ADAMTSL1: variants seen among roughly 807,000 people sequenced by gnomAD.
The protein encoded by ADAMTSL1 is ADAMTS like 1.
ADAMTSL1 carries 126 observed loss-of-function variants against 201.8 expected under a neutral mutation model. The ratio of observed to expected loss-of-function variants is 0.62; its 90% CI spans 0.54 to 0.72. The LOEUF is 0.72. Among genes scored for constraint, ADAMTSL1 ranks in the 30% least tolerant of loss-of-function variants. The pLI, the probability that ADAMTSL1 is intolerant of heterozygous loss-of-function variation, is 0.00. For synonymous variants in ADAMTSL1, 1,121 were observed against 903.4 expected (o/e 1.24, Z -4.32); for missense variants, 2,679 against 2,277.8 (o/e 1.18, Z -3.59).
intron 2 of ADAMTSL1, among the ~76,000 whole-genome samples, chr9:18,171,443 A>G (rs182075972): frequency 2.0e-4 from 31 of 152,246 alleles, no homozygotes; most frequent in African/African-American, 7.5e-4. Flanking sequence ...TTTTAATGGC[A>G]TAGAAATTTA....
intron 2 of ADAMTSL1, among the ~76,000 whole-genome samples, chr9:18,217,415 CT>C (rs1394578647): frequency 6.6e-6 from 1 of 152,102 alleles, no homozygotes; most frequent in South Asian, 2.1e-4. Flanking sequence ...AGCATTACCC[CT>C]CCCCAGCTTT....
chr9:18,387,958 C>T (rs1446535185), intron 2 of ADAMTSL1, among the ~76,000 whole-genome samples: 1 of 128,844 alleles, frequency 7.8e-6, no homozygotes, highest in Admixed American at 7.4e-5. Flanking sequence ...TTGTTAGGTA[C>T]ATAAACATTC....
intron 23 of ADAMTSL1, among the ~76,000 whole-genome samples, chr9:18,853,307 T>C (rs1233238608): frequency 5.9e-5 from 9 of 152,234 alleles, no homozygotes; most frequent in Admixed American, 5.9e-4. Context: ...CTGAATGGGA[T>C]ACCAGCGTTT....
At chr9:18,906,664 C>T (rs764409369) in intron 27 of ADAMTSL1, 28 bp from the exon 28 acceptor site, 6 of 1,530,716 alleles carry the variant, frequency 3.9e-6, no homozygotes, top group Admixed American at 2.1e-5. Context: ...CAGAAGCAAA[C>T]CTTAACCCTG....
At chr9:18,565,241 T>C (rs886897120) in intron 3 of ADAMTSL1, among the ~76,000 whole-genome samples, 1 of 152,228 alleles carries the variant, frequency 6.6e-6, no homozygotes, top group Admixed American at 6.5e-5. Context: ...TAGTGTTCTC[T>C]TAGTAAACAC....
intron 13 of ADAMTSL1, among the ~76,000 whole-genome samples, chr9:18,701,516 G>A (rs746423016): frequency 3.3e-5 from 5 of 152,086 alleles, no homozygotes; most frequent in Admixed American, 6.6e-5. Flanking sequence ...CACTGTGCCC[G>A]ATTTTAAACT....
intron 1 of ADAMTSL1, among the ~76,000 whole-genome samples, chr9:18,099,103 T>G (rs559483818): frequency 3.4e-5 from 3 of 88,640 alleles, no homozygotes; most frequent in Admixed American, 2.3e-4. Context: ...TGACAGCAGG[T>G]TTTTTTTTTT....
chr9:18,828,019 G>A (rs185929996), intron 22 of ADAMTSL1, among the ~76,000 whole-genome samples: 2 of 152,310 alleles, frequency 1.3e-5, no homozygotes, highest in Admixed American at 1.3e-4. Flanking sequence ...ATGAAACTGA[G>A]ATTTCACCCC....
chr9:18,110,376 A>C (rs1203886937), intron 1 of ADAMTSL1, among the ~76,000 whole-genome samples: 2 of 152,188 alleles, frequency 1.3e-5, no homozygotes, highest in Non-Finnish European at 2.9e-5. Context: ...CAGGTAGGGA[A>C]AGTGCAAGAC....
intron 2 of ADAMTSL1, among the ~76,000 whole-genome samples, chr9:18,307,476 TTAAAA>T (rs1188974593): frequency 6.6e-6 from 1 of 151,872 alleles, no homozygotes; most frequent in East Asian, 1.9e-4. Context: ...ACACATAGTC[TTAAAA>T]TAAAAGGATG....
intron 3 of ADAMTSL1, among the ~76,000 whole-genome samples, chr9:18,561,896 A>G (rs1821526363): frequency 6.6e-6 from 1 of 151,790 alleles, no homozygotes; most frequent in South Asian, 2.1e-4. Flanking sequence ...CCATCTCTTT[A>G]TTTTGAGCCT....
intron 2 of ADAMTSL1, among the ~76,000 whole-genome samples, chr9:18,241,316 C>G (rs1831051518): frequency 6.6e-6 from 1 of 152,090 alleles, no homozygotes; most frequent in Non-Finnish European, 1.5e-5. Context: ...AATTATTCTT[C>G]CTCCCTTTCT....
intron 2 of ADAMTSL1, among the ~76,000 whole-genome samples, chr9:18,458,519 T>G (rs1170792904): frequency 1.3e-5 from 2 of 152,194 alleles, no homozygotes; most frequent in Non-Finnish European, 2.9e-5. Context: ...TGCCCTAACC[T>G]TCCATAGACT....
At chr9:18,540,546 G>C (rs756503503) in intron 3 of ADAMTSL1, among the ~76,000 whole-genome samples, 1 of 152,120 alleles carries the variant, frequency 6.6e-6, no homozygotes, top group Non-Finnish European at 1.5e-5. Context: ...ATCAGGTGCA[G>C]TACAAGGTAT....
At chr9:18,538,698 G>A (rs1461692310) in intron 3 of ADAMTSL1, among the ~76,000 whole-genome samples, 2 of 152,170 alleles carry the variant, frequency 1.3e-5, no homozygotes, top group Admixed American at 6.5e-5. Context: ...TCTCGTTGAG[G>A]TTGTGAAAAT....
At position 18,579,682 on chromosome 9, in the gene ADAMTSL1, C is replaced by G. The variant is rs1196495005; in HGVS notation, c.474+5416C>G. ...ACTTCCCAATGAATGAGCAGACCTT[C>G]TGTTAATTTCCTATTGCAGTCATCT... On this transcript the variant is annotated intron_variant, in intron 4 of 28. Transcript: ENST00000380548. Among the ~76,000 whole-genome samples the G allele has an allele frequency of 2.0e-5, 3 of 152,224 alleles. No homozygotes were observed. In the East Asian group the frequency reaches 5.8e-4, roughly 29 times the overall value.
At chr9:18,293,849 A>G (rs538933085) in intron 2 of ADAMTSL1, among the ~76,000 whole-genome samples, 106 of 152,348 alleles carry the variant, frequency 7.0e-4, no homozygotes, top group Middle Eastern at 6.8e-3. Context: ...ATTTGCAAGT[A>G]CTAAATAAGG....
At chr9:18,157,636 C>T (rs1827213976) in intron 1 of ADAMTSL1, among the ~76,000 whole-genome samples, 1 of 152,000 alleles carries the variant, frequency 6.6e-6, no homozygotes. Context: ...CAGCTCTAAC[C>T]TCTTAGCAAT....
intron 2 of ADAMTSL1, among the ~76,000 whole-genome samples, chr9:18,273,372 C>T (rs550417219): frequency 1.3e-4 from 20 of 152,026 alleles, no homozygotes; most frequent in Admixed American, 5.2e-4. Context: ...TGAGTCATCA[C>T]GCCCGGCCAC....
Sources: allele counts gnomAD v4.1 joint callset (sites outside exome capture counted in the v4.1 genomes callset), GRCh38; gene constraint gnomAD v4.1.1; transcripts MANE v1.5; gene names NCBI Gene and HGNC (gene_info 2026-07-23, HGNC 2026-07-21).